The following DCDC1 variants were observed in gnomAD, a reference collection of about 807,000 sequenced individuals.
The protein encoded by DCDC1 is doublecortin domain-containing protein 1.
A neutral mutation model predicts 178.3 loss-of-function variants in DCDC1; 200 were observed. The ratio of observed to expected loss-of-function variants is 1.12; its 90% CI spans 1.00 to 1.26. DCDC1 has a LOEUF of 1.26. Among genes scored for constraint, DCDC1 ranks in the 50% most tolerant of loss-of-function variants. DCDC1 has a pLI of 0.00. For synonymous variants in DCDC1, 690 were observed against 604.8 expected, an observed-to-expected ratio of 1.14 and a Z score of -2.07; for missense variants, 1,983 against 1,749.2, an observed-to-expected ratio of 1.13 and a Z score of -2.38.
intron 27 of DCDC1, among the ~76,000 whole-genome samples, chr11:30,914,337 C>G (rs1203631952): frequency 6.6e-6 from 1 of 152,258 alleles, no homozygotes; most frequent in African/African-American, 2.4e-5. Flanking sequence ...CTCTCCTGCC[C>G]AGGCAGGGCT....
chr11:31,323,699 A>G (rs1215027681), intron 3 of DCDC1, among the ~76,000 whole-genome samples: 1 of 152,134 alleles, frequency 6.6e-6, no homozygotes, highest in Non-Finnish European at 1.5e-5. Context: ...AATAAACTAT[A>G]AACACAAAGG....
At chr11:31,041,530 CAGAA>C (rs1954447519) in intron 20 of DCDC1, among the ~76,000 whole-genome samples, 1 of 152,094 alleles carries the variant, frequency 6.6e-6, no homozygotes, top group African/African-American at 2.4e-5. Flanking sequence ...AAAGTGGAGA[CAGAA>C]AGATTAAGTA....
At chr11:31,322,866 T>C (rs1949441666) in intron 3 of DCDC1, among the ~76,000 whole-genome samples, 1 of 152,250 alleles carries the variant, frequency 6.6e-6, no homozygotes, top group African/African-American at 2.4e-5. Flanking sequence ...TACTTTCCAC[T>C]GATAGTGGCC....
chr11:31,206,029 G>A (rs531721365), intron 9 of DCDC1, among the ~76,000 whole-genome samples: 5 of 152,050 alleles, frequency 3.3e-5, no homozygotes, highest in East Asian at 1.9e-4. Flanking sequence ...TGTCCCCAAC[G>A]ACCATGAACA....
chr11:31,121,523 G>A (rs967436152), intron 11 of DCDC1, among the ~76,000 whole-genome samples: 3 of 150,292 alleles, frequency 2.0e-5, no homozygotes, highest in African/African-American at 4.9e-5. Context: ...CTTTTAAGAG[G>A]TGATTTTCTA....
At chr11:30,935,008 G>A (rs946078574) in intron 21 of DCDC1, among the ~76,000 whole-genome samples, 1 of 152,110 alleles carries the variant, frequency 6.6e-6, no homozygotes, top group Non-Finnish European at 1.5e-5. Flanking sequence ...ATCACCCTAG[G>A]GGGTAAACTT....
At chr11:31,130,136 G>A (rs747194986) in intron 10 of DCDC1, among the ~76,000 whole-genome samples, 30 of 152,032 alleles carry the variant, frequency 2.0e-4, no homozygotes, top group Non-Finnish European at 3.2e-4. Context: ...TGATGCCTAG[G>A]CCATAGTTTT....
intron 9 of DCDC1, among the ~76,000 whole-genome samples, chr11:31,229,522 C>T (rs185388971): frequency 5.1e-4 from 77 of 152,046 alleles, no homozygotes; most frequent in Middle Eastern, 3.4e-3. Flanking sequence ...ATGAAAATCT[C>T]AATTATTGGA....
At chr11:31,142,155 C>T (rs575945034) in intron 9 of DCDC1, among the ~76,000 whole-genome samples, 9 of 152,168 alleles carry the variant, frequency 5.9e-5, no homozygotes, top group Admixed American at 1.3e-4. Flanking sequence ...TATGGATGTC[C>T]AGAAAACTCT....
At chr11:30,897,634 A>G (rs1472300833) in intron 34 of DCDC1, among the ~76,000 whole-genome samples, 1 of 151,860 alleles carries the variant, frequency 6.6e-6, no homozygotes, top group African/African-American at 2.4e-5. Flanking sequence ...TAAAAACTGA[A>G]GACAATATAA....
chr11:30,888,814 T>C (rs905638552), intron 36 of DCDC1, among the ~76,000 whole-genome samples: 1 of 152,232 alleles, frequency 6.6e-6, no homozygotes, highest in African/African-American at 2.4e-5. Flanking sequence ...CTCTTTAAAG[T>C]GTATACTATA....
chr11:30,888,117 A>AGAAAGAAG (rs1491361702), intron 36 of DCDC1, among the ~76,000 whole-genome samples: 18 of 144,130 alleles, frequency 1.2e-4, no homozygotes, highest in Non-Finnish European at 1.9e-4. Context: ...AAAGAAAGAA[A>AGAAAGAAG]GAAAGAAAGA....
intron 20 of DCDC1, among the ~76,000 whole-genome samples, chr11:30,982,348 A>G (rs769966296): frequency 6.6e-5 from 10 of 152,248 alleles, no homozygotes; most frequent in Non-Finnish European, 1.2e-4. Context: ...CAGCACAATG[A>G]AATTAAGTTA....
At chr11:31,206,422 T>C (rs1361636623) in intron 9 of DCDC1, among the ~76,000 whole-genome samples, 1 of 152,078 alleles carries the variant, frequency 6.6e-6, no homozygotes, top group Non-Finnish European at 1.5e-5. Flanking sequence ...TGTTTGTTTG[T>C]TTGCTTTTTG....
chr11:30,985,587 GAC>G (rs1346168232), intron 20 of DCDC1, among the ~76,000 whole-genome samples: 5 of 152,120 alleles, frequency 3.3e-5, no homozygotes, highest in Non-Finnish European at 5.9e-5. Context: ...ACAGAAGATA[GAC>G]TATTTTTATC....
intron 1 of DCDC1, among the ~76,000 whole-genome samples, chr11:31,365,644 C>A (rs1308172183): frequency 6.6e-6 from 1 of 152,004 alleles, no homozygotes; most frequent in African/African-American, 2.4e-5. Context: ...CAGGCGTGTA[C>A]CAAAGTGATA....
rs1942562507 is a variant in DCDC1 at position 30,880,470 on chromosome 11, A to T, written c.5233+688T>A. Among the ~76,000 whole-genome samples the T allele has an allele frequency of 2.0e-5, 3 of 152,196 alleles. No homozygotes were observed. In the South Asian group the frequency reaches 6.2e-4, roughly 31 times the overall value. On this transcript the variant is annotated intron_variant, in intron 37 of 38. Coordinates refer to ENST00000684477, the MANE Select transcript of DCDC1 (RefSeq NM_001387274.1). ...ACATAGTAATAATAATTTTATGGTG[A>T]CTTCTTAAAAGAAAATATCTACTAT...
intron 20 of DCDC1, among the ~76,000 whole-genome samples, chr11:30,987,017 ATTTG>A (rs1420787892): frequency 1.3e-5 from 2 of 151,978 alleles, no homozygotes; most frequent in Non-Finnish European, 2.9e-5. Flanking sequence ...TTGCTTGTTT[ATTTG>A]TTTTTGTTTG....
chr11:31,044,544 G>A (rs1458958845), intron 20 of DCDC1, among the ~76,000 whole-genome samples: 1 of 151,378 alleles, frequency 6.6e-6, no homozygotes, highest in South Asian at 2.1e-4. Context: ...GAAGATGGAA[G>A]GGGCTGTGTG....
Sources: gnomAD v4.1 joint callset for allele counts (sites outside exome capture counted in the v4.1 genomes callset) on GRCh38, gnomAD v4.1.1 for gene constraint, MANE v1.5 for transcripts, NCBI Gene and HGNC (gene_info 2026-07-23, HGNC 2026-07-21) for gene names.